Variants in FANK1 observed in about 807,000 individuals in gnomAD.
FANK1 encodes fibronectin type III and ankyrin repeat domains 1.
In FANK1, 44 loss-of-function variants were observed where a neutral mutation model predicts 45.3. The ratio of observed to expected loss-of-function variants is 0.97; its 90% confidence interval spans 0.76 to 1.25. The LOEUF (loss-of-function observed/expected upper bound fraction) is 1.25. Ranked by LOEUF, FANK1 falls within the 50% of genes most tolerant of loss-of-function variation. The pLI, the probability that FANK1 is intolerant of heterozygous loss-of-function variation, is 0.00. For synonymous variants in FANK1, 149 were observed against 152.5 expected (o/e 0.98, Z 0.17); for missense variants, 391 against 424.4 (o/e 0.92, Z 0.69).
chr10:125,904,949 C>A (rs1436780088), intron 1 of FANK1, among the ~76,000 whole-genome samples: 1 of 151,458 alleles, frequency 6.6e-6, no homozygotes, highest in East Asian at 2.0e-4. Flanking sequence ...CAGGGTGAAA[C>A]CCCGTCTCTG....
intron 2 of FANK1, among the ~76,000 whole-genome samples, chr10:125,987,685 G>T (rs1425781250): frequency 6.6e-6 from 1 of 152,108 alleles, no homozygotes; most frequent in Non-Finnish European, 1.5e-5. Flanking sequence ...GGAGGTTTTG[G>T]GTAATACTGG....
chr10:125,970,851 C>CGGGAGA (rs200529434), intron 1 of FANK1, among the ~76,000 whole-genome samples: 3,030 of 151,916 alleles, frequency 0.02, 87 homozygotes, highest in African/African-American at 0.062. Flanking sequence ...AAGCAGGAGA[C>CGGGAGA]GGGAGAGGGA....
At chr10:125,994,718 T>C (rs1472227780) in intron 3 of FANK1, 17 of 985,340 alleles carry the variant, frequency 1.7e-5, no homozygotes, top group Non-Finnish European at 1.9e-5. Context: ...TAGCCCTTTA[T>C]TCTCCCTCTG....
At chr10:125,959,261 G>C (rs985988608) in intron 1 of FANK1, among the ~76,000 whole-genome samples, 1 of 151,318 alleles carries the variant, frequency 6.6e-6, no homozygotes, top group Non-Finnish European at 1.5e-5. Context: ...ACACAAATTA[G>C]CTGGGCGTTG....
intron 1 of FANK1, among the ~76,000 whole-genome samples, chr10:125,909,035 A>G (rs1197941975): frequency 6.6e-6 from 1 of 152,284 alleles, no homozygotes; most frequent in African/African-American, 2.4e-5. Context: ...TCCAATTTCA[A>G]GACGGCTCAC....
Position 125,928,967 on chromosome 10 carries a change from C to T in FANK1, c.13+32312C>T, listed in dbSNP as rs551155108. On this transcript the variant is annotated intron_variant, in intron 1 of 10. Coordinates refer to ENST00000368693, the MANE Select transcript of FANK1 (RefSeq NM_145235.5). ...TATCAGTATTTTCCTTTATGGATAA[C>T]GTTTTTGGTTGCAGGGGAGTTTTGA... is the stretch of plus-strand genomic sequence containing the variant. 2.0e-4 allele frequency among the ~76,000 whole-genome samples: 30 copies of T among 152,258 alleles called. 1 individual carries two copies. In the South Asian group the frequency reaches 5.4e-3, roughly 27 times the overall value.
At chr10:126,008,206 T>C (rs2133358081) in intron 7 of FANK1, among the ~76,000 whole-genome samples, 1 of 152,280 alleles carries the variant, frequency 6.6e-6, no homozygotes, top group Non-Finnish European at 1.5e-5. Flanking sequence ...TTAAAGGATG[T>C]AGATGAAGAA....
intron 1 of FANK1, among the ~76,000 whole-genome samples, chr10:125,918,556 C>CAAAAAAAAAAAAAAA (rs1156446362): frequency 1.4e-4 from 1 of 7,102 alleles, no homozygotes; most frequent in Non-Finnish European, 3.0e-4. Context: ...GCCTCTGTCT[C>CAAAAAAAAAAAAAAA]AAAAAAAAAA....
intron 1 of FANK1, among the ~76,000 whole-genome samples, chr10:125,943,441 C>T (rs958544471): frequency 2.6e-4 from 39 of 152,142 alleles, no homozygotes; most frequent in Admixed American, 3.9e-4. Flanking sequence ...CATTATCTAT[C>T]TTCAACATTT....
At chr10:125,995,382 G>C (rs1952250266) in intron 3 of FANK1, 35 bp from the exon 4 acceptor site, 12 of 1,599,450 alleles carry the variant, frequency 7.5e-6, no homozygotes, top group Non-Finnish European at 9.4e-6. Context: ...CTTTTCTGAT[G>C]TTCTGGATGA....
chr10:125,948,745 G>A (rs1948991560), intron 1 of FANK1, among the ~76,000 whole-genome samples: 1 of 151,694 alleles, frequency 6.6e-6, no homozygotes. Flanking sequence ...AGAAAAAGAG[G>A]GAATCCTCCC....
intron 1 of FANK1, among the ~76,000 whole-genome samples, chr10:125,944,417 T>TA (rs1279136744): frequency 2.0e-5 from 3 of 152,360 alleles, no homozygotes; most frequent in African/African-American, 7.2e-5. Flanking sequence ...AAATTTCTGT[T>TA]ACTTGAAGAA....
intron 1 of FANK1, among the ~76,000 whole-genome samples, chr10:125,959,413 CAA>C (rs767754151): frequency 6.7e-5 from 5 of 74,726 alleles, no homozygotes; most frequent in East Asian, 4.0e-4. Flanking sequence ...GACTCTGTCT[CAA>C]AAAAAAAAAA....
At chr10:125,952,706 T>G (rs10794041) in intron 1 of FANK1, among the ~76,000 whole-genome samples, 109,279 of 150,416 alleles carry the variant, frequency 0.73, 40,346 homozygotes, top group South Asian at 0.79. Context: ...GCCTCTCTCC[T>G]GTGGAATGGT....
intron 2 of FANK1, 127 bp downstream of exon 2, chr10:125,980,465 T>C: frequency 9.1e-7 from 1 of 1,103,590 alleles, no homozygotes; most frequent in Non-Finnish European, 1.3e-6. Flanking sequence ...TTTGTATTCA[T>C]GCTCTTTTAT....
At chr10:125,897,394 C>T (rs1291290769) in intron 1 of FANK1, among the ~76,000 whole-genome samples, 2 of 152,304 alleles carry the variant, frequency 1.3e-5, no homozygotes, top group Non-Finnish European at 2.9e-5. Flanking sequence ...TCTTTCTCTG[C>T]CCCGCCTAAG....
intron 1 of FANK1, among the ~76,000 whole-genome samples, chr10:125,925,179 T>C (rs1352897941): frequency 6.6e-6 from 1 of 152,276 alleles, no homozygotes; most frequent in East Asian, 1.9e-4. Context: ...TACTGAGAGA[T>C]ATATTAAATA....
intron 6 of FANK1, among the ~76,000 whole-genome samples, chr10:126,003,409 A>G (rs1952927582): frequency 6.6e-6 from 1 of 152,190 alleles, no homozygotes; most frequent in South Asian, 2.1e-4. Context: ...TTAAAAAAAA[A>G]TTAAAGGCTT....
At chr10:125,902,792 T>C (rs1439724808) in intron 1 of FANK1, among the ~76,000 whole-genome samples, 1 of 152,306 alleles carries the variant, frequency 6.6e-6, no homozygotes, top group African/African-American at 2.4e-5. Context: ...GGGAGACTGG[T>C]AAGGATTTAA....
Sources: allele counts gnomAD v4.1 joint callset (sites outside exome capture counted in the v4.1 genomes callset), GRCh38; gene constraint gnomAD v4.1.1; transcripts MANE v1.5; gene names NCBI Gene and HGNC (gene_info 2026-07-23, HGNC 2026-07-21).